S100A5: variants seen among roughly 807,000 people sequenced by gnomAD.
S100A5 encodes the protein S100 calcium binding protein A5.
Under a neutral mutation model 6.7 loss-of-function variants are expected in S100A5, and 5 were observed. That is an observed-to-expected ratio of 0.75 (90% confidence interval 0.39 to 1.57). The LOEUF (loss-of-function observed/expected upper bound fraction) is 1.57, where lower values mean the gene tolerates loss of function less well. S100A5 is among the 40% of genes most tolerant of loss of function. The pLI, the probability that S100A5 is intolerant of heterozygous loss-of-function variation, is 0.03. For synonymous variants in S100A5, 49 were observed against 44.9 expected, an observed-to-expected ratio of 1.09 and a Z score of -0.37; for missense variants, 129 against 110.8, an observed-to-expected ratio of 1.16 and a Z score of -0.74.
At position 153,537,500 on chromosome 1, in the gene S100A5, G is replaced by T. The variant is rs1571231286; in HGVS notation, c.139-64C>A. On this transcript the variant is annotated intron_variant, in intron 2 of 2. Coordinates refer to ENST00000368717, the MANE Select transcript of S100A5 (RefSeq NM_001394232.1). ...CTCCCAGCCCTGCCCTCGCACCACTGCATGGTGTCATCCCCACCCCGAAAC... is the reference window on the plus strand; with the variant it reads ...CTCCCAGCCCTGCCCTCGCACCACTTCATGGTGTCATCCCCACCCCGAAAC... 1.9e-6 allele frequency: 3 copies of T among 1,588,470 alleles called. No individual in the cohort carries two copies. The East Asian group carries it at 6.7e-5, about 36-fold the overall frequency.
chr1:153,543,274 C>T, upstream of S100A5: 1 of 985,398 alleles, frequency 1.0e-6, no homozygotes, highest in Non-Finnish European at 1.2e-6. Flanking sequence ...CAGACCCCAA[C>T]CAGGAACAGA....
chr1:153,539,629 G>A (rs1665320435), intron 2 of S100A5, among the ~76,000 whole-genome samples: 1 of 151,438 alleles, frequency 6.6e-6, no homozygotes, highest in African/African-American at 2.4e-5. Flanking sequence ...TTCAGTTTGA[G>A]TGCCAGCACC....
intron 2 of S100A5, among the ~76,000 whole-genome samples, chr1:153,538,118 C>T (rs1665247129): frequency 6.6e-6 from 1 of 152,154 alleles, no homozygotes; most frequent in African/African-American, 2.4e-5. Flanking sequence ...TGACTCTCTC[C>T]CCATTCTAAG....
At chr1:153,541,527 G>A (rs1240397464), upstream of S100A5, 17 of 1,330,996 alleles carry the variant, frequency 1.3e-5, no homozygotes, top group East Asian at 2.9e-4. Context: ...ACTTGAGGAT[G>A]CCCACGTCAG....
At chr1:153,538,119 C>G (rs1186659439) in intron 2 of S100A5, among the ~76,000 whole-genome samples, 1 of 152,188 alleles carries the variant, frequency 6.6e-6, no homozygotes. Context: ...GACTCTCTCC[C>G]CATTCTAAGG....
At position 153,538,415 on chromosome 1, in the gene S100A5, A is replaced by G. The variant is rs773584952; in HGVS notation, c.139-979T>C. On this transcript the variant is annotated intron_variant, in intron 2 of 2. Coordinates refer to ENST00000368717, the MANE Select transcript of S100A5 (RefSeq NM_001394232.1). ...TTTCACAGGAGACATTGGGACTTAC[A>G]AAGGCGGAAACTGCTTGTCTGTCAC... Among the ~76,000 whole-genome samples, 5 of 152,188 alleles carry G rather than the reference A, an allele frequency of 3.3e-5. No homozygotes were observed. In the South Asian group the frequency reaches 6.2e-4, roughly 19 times the overall value.
upstream of S100A5, chr1:153,543,550 C>G (rs1286658192): frequency 6.9e-6 from 4 of 581,604 alleles, no homozygotes; most frequent in Non-Finnish European, 1.2e-5. Flanking sequence ...CCAGCTCTCC[C>G]CACCACCACC....
chr1:153,542,500 G>A (rs1451686184), upstream of S100A5, among the ~76,000 whole-genome samples: 2 of 152,320 alleles, frequency 1.3e-5, no homozygotes, highest in East Asian at 1.9e-4. Context: ...CCAAGTCTCT[G>A]TATTCAAACC....
chr1:153,541,607 C>T (rs1665390553), upstream of S100A5: 1 of 1,203,754 alleles, frequency 8.3e-7, no homozygotes, highest in South Asian at 1.5e-5. Flanking sequence ...CAAACAAGGG[C>T]TGGGGACACA....
At position 153,538,494 on chromosome 1, in the gene S100A5, G is replaced by A. The variant is rs140467855; in HGVS notation, c.139-1058C>T. On this transcript the variant is annotated intron_variant, in intron 2 of 2. Transcript: ENST00000368717. ...GTTATTGCCAGGCCCTCCTCTGGGC[G>A]TCTCTCCTTCTGTAATTAATCCCTG... Among the ~76,000 whole-genome samples the A allele has an allele frequency of 4.6e-5, 7 of 152,298 alleles. No individual in the cohort carries two copies. In the East Asian group the frequency reaches 1.4e-3, roughly 29 times the overall value.
chr1:153,542,702 A>C (rs1214044490), upstream of S100A5, among the ~76,000 whole-genome samples: 2 of 152,118 alleles, frequency 1.3e-5, no homozygotes, highest in Non-Finnish European at 2.9e-5. Flanking sequence ...GTCTAACCTC[A>C]ACCCACCACT....
Position 153,540,701 on chromosome 1 carries a change from A to G in S100A5, c.-95T>C. On this transcript the variant is annotated 5_prime_UTR_variant, in exon 1 of 3. Transcript: ENST00000368717. ...CAGGGCTGAGAGGGGGCTGGGCTGG[A>G]ACTGGGTGATGGGGTCTCAACAAGG... is the stretch of plus-strand genomic sequence containing the variant. 1 of 165,558 alleles carries G rather than the reference A, an allele frequency of 6.0e-6. No individual in the cohort carries two copies. The highest frequency in any genetic ancestry group is 1.3e-5 in the Non-Finnish European group (1 of 75,580). 10.3% of individuals were successfully genotyped at this position (165,558 alleles called of 1,614,324 possible).
Position 153,537,184 on chromosome 1 carries a change from G to T in S100A5, c.*112C>A. The T allele has an allele frequency of 8.2e-7, 1 of 1,222,078 alleles. No individual in the cohort carries two copies. 75.7% of individuals were successfully genotyped at this position (1,222,078 alleles called of 1,614,324 possible). On this transcript the variant is annotated 3_prime_UTR_variant, in exon 3 of 3. Transcript: ENST00000368717. ...CGATGGAAACTTTATTTCCTCCCAT[G>T]GAAGGGTCCATCTGGGAGGGAGAGG...
chr1:153,537,781 C>T (rs2101681628), intron 2 of S100A5, among the ~76,000 whole-genome samples: 1 of 152,312 alleles, frequency 6.6e-6, no homozygotes, highest in East Asian at 1.9e-4. Flanking sequence ...GGTGTGGTGG[C>T]TCACACCTGT....
chr1:153,539,200 G>A (rs1013629733), intron 2 of S100A5, among the ~76,000 whole-genome samples: 9 of 151,736 alleles, frequency 5.9e-5, no homozygotes, highest in Non-Finnish European at 1.0e-4. Context: ...GTCCGAGGCA[G>A]ATGGATCACG....
At chr1:153,541,804 C>G (rs1256419095), upstream of S100A5, 2 of 1,058,174 alleles carry the variant, frequency 1.9e-6, no homozygotes, top group Admixed American at 1.1e-4. Context: ...CTAGGAAGCT[C>G]TCCACATCGG....
In S100A5 at chr1:153,540,352, G is replaced by A. The variant is rs897929215; in HGVS notation, c.-14-147C>T. On this transcript the variant is annotated intron_variant, in intron 1 of 2. Coordinates refer to ENST00000368717, the MANE Select transcript of S100A5 (RefSeq NM_001394232.1). Reference sequence around the variant, plus strand: ...CTAACAAGAGCGCCCATCTATATCAGTACAGGTTACAATGAGACCCACAAC... The same window carrying A: ...CTAACAAGAGCGCCCATCTATATCAATACAGGTTACAATGAGACCCACAAC... The A allele has an allele frequency of 7.0e-5, 52 of 745,284 alleles. No individual in the cohort carries two copies. The Middle Eastern group carries it at 1.6e-3, about 23-fold the overall frequency. 46.2% of individuals were successfully genotyped at this position (745,284 alleles called of 1,614,324 possible). A position where few individuals can be genotyped will look rare whatever the true frequency, so the allele number is the denominator to read the frequency against.
chr1:153,542,478 C>G (rs572893492), upstream of S100A5, among the ~76,000 whole-genome samples: 64 of 152,338 alleles, frequency 4.2e-4, no homozygotes, highest in African/African-American at 1.5e-3. Flanking sequence ...TTCTCCTGAA[C>G]TGAAATTCCT....
chr1:153,537,511 T>A (rs890743953), intron 2 of S100A5, 75 bp from the exon 3 acceptor site: 2 of 1,564,602 alleles, frequency 1.3e-6, no homozygotes, highest in East Asian at 2.3e-5. Flanking sequence ...CATGGTGTCA[T>A]CCCCACCCCG....
Sources: allele counts gnomAD v4.1 joint callset (sites outside exome capture counted in the v4.1 genomes callset), GRCh38; gene constraint gnomAD v4.1.1; transcripts MANE v1.5; gene names NCBI Gene and HGNC (gene_info 2026-07-23, HGNC 2026-07-21).